ADGRG6: variants seen among roughly 807,000 people sequenced by gnomAD.
ADGRG6 encodes adhesion G protein-coupled receptor G6.
ADGRG6 carries 84 observed loss-of-function variants against 142.4 expected under a neutral mutation model. The ratio of observed to expected loss-of-function variants is 0.59; its 90% CI spans 0.49 to 0.71. The LOEUF (loss-of-function observed/expected upper bound fraction) is 0.71. Ranked by LOEUF, ADGRG6 falls within the 30% of genes least tolerant of loss-of-function variation. ADGRG6 has a pLI of 0.00. For synonymous variants in ADGRG6, 521 were observed against 520.5 expected (o/e 1.00, Z -0.01); for missense variants, 1,367 against 1,466.6 (o/e 0.93, Z 1.11).
At chr6:142,428,480 A>G in intron 22 of ADGRG6, among the ~76,000 whole-genome samples, 1 of 152,214 alleles carries the variant, frequency 6.6e-6, no homozygotes, top group African/African-American at 2.4e-5. Context: ...AATTTTACTA[A>G]CAGTATTAGT....
At chr6:142,438,121 C>A in intron 23 of ADGRG6, 91 bp from the exon 24 acceptor site, 1 of 720,434 alleles carries the variant, frequency 1.4e-6, no homozygotes, top group Non-Finnish European at 2.2e-6. Context: ...AAATCAGATG[C>A]TCCAGATAAA....
intron 4 of ADGRG6, among the ~76,000 whole-genome samples, chr6:142,374,909 A>G (rs778316357): frequency 2.7e-4 from 41 of 152,194 alleles, no homozygotes; most frequent in Non-Finnish European, 4.6e-4. Context: ...TTATCATTTT[A>G]TTTGTAGACA....
At chr6:142,303,731 T>C (rs1230520647) in intron 1 of ADGRG6, among the ~76,000 whole-genome samples, 1 of 152,234 alleles carries the variant, frequency 6.6e-6, no homozygotes, top group Non-Finnish European at 1.5e-5. Flanking sequence ...TTGCCCAGTT[T>C]TTTTCAGCTT....
intron 4 of ADGRG6, among the ~76,000 whole-genome samples, chr6:142,374,314 G>C (rs1781395777): frequency 6.6e-6 from 1 of 152,120 alleles, no homozygotes; most frequent in South Asian, 2.1e-4. Flanking sequence ...CTACGACATG[G>C]GTGGTGGTAG....
At chr6:142,303,072 G>T (rs1027049006) in intron 1 of ADGRG6, among the ~76,000 whole-genome samples, 1 of 152,184 alleles carries the variant, frequency 6.6e-6, no homozygotes, top group East Asian at 1.9e-4. Flanking sequence ...TTTCCAGAAT[G>T]GGAAAAGGAA....
chr6:142,361,458 T>C (rs1780711627), intron 2 of ADGRG6, among the ~76,000 whole-genome samples: 1 of 151,980 alleles, frequency 6.6e-6, no homozygotes, highest in African/African-American at 2.4e-5. Context: ...GAGGTGGTGC[T>C]TGGAGAGGGC....
At chr6:142,341,413 TA>T (rs1182709898) in intron 2 of ADGRG6, among the ~76,000 whole-genome samples, 8 of 122,524 alleles carry the variant, frequency 6.5e-5, no homozygotes, top group African/African-American at 2.2e-4. Flanking sequence ...ATATATTATA[TA>T]ATATAATTAT....
intron 22 of ADGRG6, among the ~76,000 whole-genome samples, chr6:142,431,991 CTCTAT>C (rs557866284): frequency 4.4e-4 from 67 of 152,096 alleles, no homozygotes; most frequent in African/African-American, 1.4e-3. Context: ...CAACACAGAA[CTCTAT>C]TAAAGTTTGT....
intron 2 of ADGRG6, among the ~76,000 whole-genome samples, chr6:142,337,007 G>A (rs1330362886): frequency 6.6e-6 from 1 of 152,244 alleles, no homozygotes; most frequent in Non-Finnish European, 1.5e-5. Context: ...CAGCTGGGCA[G>A]ACTGGCACCA....
chr6:142,357,913 T>C (rs1016708677), intron 2 of ADGRG6, among the ~76,000 whole-genome samples: 1 of 152,244 alleles, frequency 6.6e-6, no homozygotes, highest in African/African-American at 2.4e-5. Flanking sequence ...TAACATGCTT[T>C]GCTATTTAAT....
In ADGRG6 at chr6:142,420,065, C is replaced by T; in HGVS notation, c.3280C>T (p.Pro1094Ser). ...AFFAWGPLNI[P>S]FMYLFSIFNS... ...CTTTGCCTGGGGACCCTTAAATATC[C>T]CCTTCATGTACCTCTTCTCCATCTT... is the stretch of plus-strand genomic sequence containing the variant. Residue 1094 changes from proline (P) to serine (S), a missense_variant, in exon 22 of 25, where the codon CCC (proline) becomes TCC (serine). Pro to Ser is a moderately conservative substitution (Grantham distance 74). This residue lies in a region of ADGRG6 where 344 missense variants were observed against 348.7 expected (regional missense o/e 0.99). Coordinates refer to ENST00000367609, the MANE Select transcript of ADGRG6 (RefSeq NM_198569.3). 6.2e-7 allele frequency: 1 copy of T among 1,612,702 alleles called. No individual in the cohort carries two copies.
chr6:142,334,190 A>G (rs1280826288), intron 2 of ADGRG6, among the ~76,000 whole-genome samples: 4 of 152,234 alleles, frequency 2.6e-5, no homozygotes, highest in Admixed American at 1.3e-4. Flanking sequence ...GTTCTTAGAC[A>G]AAAGATGGAA....
intron 18 of ADGRG6, among the ~76,000 whole-genome samples, chr6:142,414,238 A>C (rs140778702): frequency 3.1e-4 from 47 of 152,234 alleles, no homozygotes; most frequent in Admixed American, 9.2e-4. Context: ...CAGACCTGTA[A>C]GTCTCCCTTA....
intron 21 of ADGRG6, among the ~76,000 whole-genome samples, chr6:142,418,058 G>A (rs932789440): frequency 3.9e-5 from 6 of 152,186 alleles, no homozygotes; most frequent in Non-Finnish European, 8.8e-5. Context: ...ACTTTAGGAG[G>A]CCGAGCTGGG....
chr6:142,388,329 A>G (rs1384381139), intron 6 of ADGRG6, among the ~76,000 whole-genome samples: 3 of 152,186 alleles, frequency 2.0e-5, no homozygotes, highest in Non-Finnish European at 4.4e-5. Context: ...CAGAAATGTC[A>G]ATGATTTTTA....
In ADGRG6 at chr6:142,337,468, C is replaced by T. The variant is rs1241219469; in HGVS notation, c.103+27824C>T. 4.6e-5 allele frequency among the ~76,000 whole-genome samples: 7 copies of T among 152,120 alleles called. No individual in the cohort carries two copies. The South Asian group carries it at 8.3e-4, about 18-fold the overall frequency. ...ACAAACCAGAAAAATGGCAATGGCACGCATGTTTGGGGGAACTTTATCTTT... is the reference window on the plus strand; with the variant it reads ...ACAAACCAGAAAAATGGCAATGGCATGCATGTTTGGGGGAACTTTATCTTT... On this transcript the variant is annotated intron_variant, in intron 2 of 24. Coordinates refer to ENST00000367609, the MANE Select transcript of ADGRG6 (RefSeq NM_198569.3).
intron 2 of ADGRG6, among the ~76,000 whole-genome samples, chr6:142,317,878 A>ATATATTTATATTATATTTTTATATAT (rs1778200303): frequency 2.6e-5 from 2 of 77,474 alleles, no homozygotes; most frequent in East Asian, 7.6e-4. Flanking sequence ...TTTATATATT[A>ATATATTTATATTATATTTTTATATAT]TATATATTTA....
intron 18 of ADGRG6, among the ~76,000 whole-genome samples, chr6:142,411,835 G>T (rs80084513): frequency 6.6e-6 from 1 of 151,988 alleles, no homozygotes; most frequent in Non-Finnish European, 1.5e-5. Context: ...TTCTTATGTT[G>T]TCACTCATTC....
chr6:142,360,222 G>C (rs1780648283), intron 2 of ADGRG6, among the ~76,000 whole-genome samples: 1 of 152,206 alleles, frequency 6.6e-6, no homozygotes, highest in Non-Finnish European at 1.5e-5. Context: ...TTTGAGGAAT[G>C]ATGTTTGGAC....
Sources: allele counts gnomAD v4.1 joint callset (sites outside exome capture counted in the v4.1 genomes callset), GRCh38; gene constraint gnomAD v4.1.1; regional missense constraint gnomAD v4.1.1; transcripts MANE v1.5; gene names NCBI Gene and HGNC (gene_info 2026-07-23, HGNC 2026-07-21).